The following PPM1E variants were observed in gnomAD, a reference collection of about 807,000 sequenced individuals.
The protein encoded by PPM1E is protein phosphatase, Mg2+/Mn2+ dependent 1E, also known as protein phosphatase 1E.
PPM1E carries 20 observed loss-of-function variants against 65.9 expected under a neutral mutation model. The ratio of observed to expected loss-of-function variants is 0.30; its 90% CI spans 0.21 to 0.44. The LOEUF (loss-of-function observed/expected upper bound fraction) is 0.44. Among genes scored for constraint, PPM1E ranks in the 20% least tolerant of loss-of-function variants. The pLI is 1.00. For synonymous variants in PPM1E, 352 were observed against 374.9 expected (o/e 0.94, Z 0.70); for missense variants, 713 against 953.1 (o/e 0.75, Z 3.32).
intron 1 of PPM1E, among the ~76,000 whole-genome samples, chr17:58,916,376 A>G (rs1236978881): frequency 6.6e-6 from 1 of 152,226 alleles, no homozygotes; most frequent in Admixed American, 6.5e-5. Context: ...TAAATATTTA[A>G]TTAATTCTTG....
chr17:58,971,596 G>A (rs150593828), intron 4 of PPM1E, among the ~76,000 whole-genome samples: 5 of 152,296 alleles, frequency 3.3e-5, no homozygotes, highest in African/African-American at 4.8e-5. Flanking sequence ...TCCAGGGAAC[G>A]TAAGCTGTCT....
At chr17:58,839,792 G>A (rs2050699499) in intron 1 of PPM1E, among the ~76,000 whole-genome samples, 1 of 152,106 alleles carries the variant, frequency 6.6e-6, no homozygotes. Context: ...TGACCCATGT[G>A]GTAATGGATT....
At chr17:58,763,107 T>G (rs1424473556) in intron 1 of PPM1E, among the ~76,000 whole-genome samples, 1 of 152,130 alleles carries the variant, frequency 6.6e-6, no homozygotes, top group Non-Finnish European at 1.5e-5. Context: ...AAGTTAATAC[T>G]GACTGCTCTA....
intron 1 of PPM1E, among the ~76,000 whole-genome samples, chr17:58,835,157 A>G (rs2050642349): frequency 6.6e-6 from 1 of 152,158 alleles, no homozygotes; most frequent in Non-Finnish European, 1.5e-5. Context: ...CCTCAGCAAC[A>G]TAGTGAGACC....
intron 1 of PPM1E, among the ~76,000 whole-genome samples, chr17:58,805,113 A>G (rs2050293226): frequency 6.6e-6 from 1 of 151,416 alleles, no homozygotes; most frequent in African/African-American, 2.4e-5. Flanking sequence ...TTTATTTTTT[A>G]TATAGTTTTT....
At position 58,803,947 on chromosome 17, in the gene PPM1E, T is replaced by C. The variant is rs143692147; in HGVS notation, c.464+47486T>C. 2.8e-3 allele frequency among the ~76,000 whole-genome samples: 427 copies of C among 152,366 alleles called. 2 individuals are homozygous for C. Among genetic ancestry groups the C allele is most frequent in the African/African-American group, 9.9e-3 (412 of 41,584 alleles). On this transcript the variant is annotated intron_variant, in intron 1 of 6. Coordinates refer to ENST00000308249, the MANE Select transcript of PPM1E (RefSeq NM_014906.5). ...TTTTTATTTTATTTTGTTTTGTTTT[T>C]AGGGACAGTCTTATTCTGTCACCCA...
chr17:58,770,884 G>A (rs893425215), intron 1 of PPM1E, among the ~76,000 whole-genome samples: 3 of 148,252 alleles, frequency 2.0e-5, no homozygotes, highest in African/African-American at 7.5e-5. Flanking sequence ...TTTAGGCGGA[G>A]TCTCACTTTG....
intron 1 of PPM1E, among the ~76,000 whole-genome samples, chr17:58,825,380 G>A (rs1270871794): frequency 6.6e-6 from 1 of 151,668 alleles, no homozygotes; most frequent in East Asian, 1.9e-4. Context: ...GACCAGCCTC[G>A]GCAATATTAG....
chr17:58,769,746 G>T (rs907437622), intron 1 of PPM1E, among the ~76,000 whole-genome samples: 1 of 152,110 alleles, frequency 6.6e-6, no homozygotes, highest in African/African-American at 2.4e-5. Flanking sequence ...CAGTGGATTG[G>T]CCAGGTGTGG....
chr17:58,855,916 T>C (rs2050877577), intron 1 of PPM1E, among the ~76,000 whole-genome samples: 1 of 152,206 alleles, frequency 6.6e-6, no homozygotes, highest in South Asian at 2.1e-4. Context: ...ACAGACTAGA[T>C]GTTTATTGCT....
At chr17:58,975,869 TGAG>T (rs540035999) in intron 6 of PPM1E, among the ~76,000 whole-genome samples, 124 of 152,080 alleles carry the variant, frequency 8.2e-4, no homozygotes, top group African/African-American at 2.7e-3. Flanking sequence ...GTTACAGAGA[TGAG>T]GAGAGCTAAA....
At chr17:58,799,821 C>G (rs2050242388) in intron 1 of PPM1E, among the ~76,000 whole-genome samples, 1 of 152,184 alleles carries the variant, frequency 6.6e-6, no homozygotes, top group Admixed American at 6.5e-5. Context: ...CTCAAGTGAT[C>G]TGCTGGCCTT....
In PPM1E at chr17:58,782,290, A is replaced by T. The variant is rs111930492; in HGVS notation, c.464+25829A>T. Reference sequence around the variant, plus strand: ...AAGACTTGGAAAATTGGGAAACATTAAAACATAATTATATAATTATACAGT... The same window carrying T: ...AAGACTTGGAAAATTGGGAAACATTTAAACATAATTATATAATTATACAGT... On this transcript the variant is annotated intron_variant, in intron 1 of 6. Transcript: ENST00000308249. Among the ~76,000 whole-genome samples the T allele has an allele frequency of 9.3e-4, 142 of 152,334 alleles. 1 individual carries two copies. Among genetic ancestry groups the T allele is most frequent in the African/African-American group, 3.3e-3 (139 of 41,588 alleles).
In PPM1E at chr17:58,816,983, A is replaced by C. The variant is rs536662624; in HGVS notation, c.464+60522A>C. ...GCTAATTTTTTTGTATTTCTGGTAG[A>C]GGATTTTGCCATGTTGCCCAGGCTG... On this transcript the variant is annotated intron_variant, in intron 1 of 6. Transcript: ENST00000308249. Among the ~76,000 whole-genome samples, 664 of 151,126 alleles carry C rather than the reference A, an allele frequency of 4.4e-3. 3 individuals are homozygous for C. Among genetic ancestry groups the C allele is most frequent in the African/African-American group, 0.015 (617 of 41,188 alleles).
chr17:58,818,816 C>A (rs2050452061), intron 1 of PPM1E, among the ~76,000 whole-genome samples: 1 of 152,190 alleles, frequency 6.6e-6, no homozygotes, highest in South Asian at 2.1e-4. Flanking sequence ...TGTGATAGTG[C>A]TTGGTACATA....
chr17:58,931,808 A>T (rs1029144686), intron 1 of PPM1E, among the ~76,000 whole-genome samples: 11 of 152,182 alleles, frequency 7.2e-5, no homozygotes, highest in Non-Finnish European at 2.9e-5. Flanking sequence ...GAACTCAGAA[A>T]ATATAATTTC....
chr17:58,866,268 A>C (rs1365263131), intron 1 of PPM1E, among the ~76,000 whole-genome samples: 3 of 152,252 alleles, frequency 2.0e-5, no homozygotes, highest in African/African-American at 7.2e-5. Flanking sequence ...AATATGTGAA[A>C]ATTAGACACA....
chr17:58,962,039 C>G (rs537440998), intron 2 of PPM1E, among the ~76,000 whole-genome samples: 85 of 152,250 alleles, frequency 5.6e-4, no homozygotes, highest in African/African-American at 2.0e-3. Flanking sequence ...AATCCCAGCA[C>G]TTTGGGAGGC....
intron 1 of PPM1E, among the ~76,000 whole-genome samples, chr17:58,909,286 C>T (rs962921667): frequency 6.6e-5 from 10 of 152,150 alleles, no homozygotes; most frequent in African/African-American, 2.2e-4. Context: ...GAGACAGGTT[C>T]TCACTCCATC....
Sources: allele counts gnomAD v4.1 joint callset (sites outside exome capture counted in the v4.1 genomes callset), GRCh38; gene constraint gnomAD v4.1.1; transcripts MANE v1.5; gene names NCBI Gene and HGNC (gene_info 2026-07-23, HGNC 2026-07-21).